The following CSMD3 variants were observed in gnomAD, a reference collection of about 807,000 sequenced individuals.
CSMD3 encodes CUB and Sushi multiple domains 3, also known as CUB and sushi domain-containing protein 3.
Under a neutral mutation model 435.2 loss-of-function variants are expected in CSMD3, and 177 were observed. That is an observed-to-expected ratio of 0.41 (90% CI 0.36 to 0.46). CSMD3 has a LOEUF of 0.46. CSMD3 is among the 20% of genes least tolerant of loss of function. The pLI, the probability that CSMD3 is intolerant of heterozygous loss-of-function variation, is 0.34. For missense variants in CSMD3, 4,265 were observed against 4,504.6 expected (o/e 0.95, Z 1.52); for synonymous variants, 1,656 against 1,520.5 (o/e 1.09, Z -2.07).
chr8:112,281,389 C>T (rs1255084679), intron 58 of CSMD3, 39 bp from the exon 59 acceptor site: 1 of 1,549,180 alleles, frequency 6.5e-7, no homozygotes, highest in South Asian at 1.1e-5. Flanking sequence ...ATAAAAAATG[C>T]AATCAGAAAT....
chr8:113,057,096 CA>C (rs1308901224), intron 5 of CSMD3, among the ~76,000 whole-genome samples: 1 of 152,148 alleles, frequency 6.6e-6, no homozygotes, highest in Non-Finnish European at 1.5e-5. Flanking sequence ...GCTAATTTTT[CA>C]GTTATCTACT....
intron 4 of CSMD3, among the ~76,000 whole-genome samples, chr8:113,161,025 C>T (rs1047679148): frequency 2.0e-5 from 3 of 152,020 alleles, no homozygotes; most frequent in Non-Finnish European, 4.4e-5. Context: ...TGTTTGAGGA[C>T]CAACTGCAGC....
chr8:112,565,018 T>C (rs1828951595), intron 24 of CSMD3, among the ~76,000 whole-genome samples: 1 of 152,126 alleles, frequency 6.6e-6, no homozygotes, highest in South Asian at 2.1e-4. Flanking sequence ...TTTACTAAAC[T>C]TCTATGATGT....
intron 13 of CSMD3, among the ~76,000 whole-genome samples, chr8:112,773,104 G>A (rs2078162557): frequency 6.6e-6 from 1 of 151,792 alleles, no homozygotes; most frequent in Non-Finnish European, 1.5e-5. Context: ...CATTCCACCT[G>A]ACGAGAAACG....
intron 1 of CSMD3, chr8:113,377,294 A>C (rs2094392098): frequency 4.4e-6 from 1 of 227,092 alleles, no homozygotes; most frequent in African/African-American, 2.3e-5. Flanking sequence ...ATGCTGAAAT[A>C]AAGAAGTTTA....
At chr8:113,367,983 C>A (rs1032652493) in intron 1 of CSMD3, among the ~76,000 whole-genome samples, 1 of 151,986 alleles carries the variant, frequency 6.6e-6, no homozygotes, top group Non-Finnish European at 1.5e-5. Flanking sequence ...ATCATGGGGG[C>A]TGAGTCCTAT....
chr8:113,425,559 T>G (rs187411733), intron 1 of CSMD3, among the ~76,000 whole-genome samples: 47 of 151,508 alleles, frequency 3.1e-4, no homozygotes, highest in Admixed American at 3.1e-3. Context: ...AAAATGTCAT[T>G]TCTGATATCT....
intron 11 of CSMD3, among the ~76,000 whole-genome samples, chr8:112,848,460 T>A (rs1390244986): frequency 6.6e-6 from 1 of 152,118 alleles, no homozygotes; most frequent in African/African-American, 2.4e-5. Context: ...GGTCACCCAC[T>A]ATGAGCTAGG....
At chr8:113,032,723 A>G (rs1430839137) in intron 5 of CSMD3, among the ~76,000 whole-genome samples, 1 of 151,644 alleles carries the variant, frequency 6.6e-6, no homozygotes, top group Non-Finnish European at 1.5e-5. Flanking sequence ...AATGTGCATA[A>G]GTAATGAGGA....
At chr8:112,400,466 TC>T (rs1438869915) in intron 35 of CSMD3, among the ~76,000 whole-genome samples, 3 of 152,182 alleles carry the variant, frequency 2.0e-5, no homozygotes, top group Non-Finnish European at 4.4e-5. Context: ...AGTAGTCTGT[TC>T]TTTATCTAAA....
chr8:113,388,474 A>G (rs1181087194), intron 1 of CSMD3, among the ~76,000 whole-genome samples: 1 of 151,566 alleles, frequency 6.6e-6, no homozygotes, highest in Non-Finnish European at 1.5e-5. Flanking sequence ...TAGCCCATTA[A>G]ATTGGAGTTA....
At chr8:112,546,961 C>A (rs1827238206) in intron 27 of CSMD3, among the ~76,000 whole-genome samples, 1 of 151,998 alleles carries the variant, frequency 6.6e-6, no homozygotes, top group Non-Finnish European at 1.5e-5. Flanking sequence ...CACGTATCAC[C>A]TGTTACATTC....
chr8:113,123,668 C>T (rs1231135929), intron 4 of CSMD3, among the ~76,000 whole-genome samples: 2 of 151,958 alleles, frequency 1.3e-5, no homozygotes, highest in African/African-American at 4.8e-5. Flanking sequence ...TCCTGAGCAT[C>T]AGGAATAAAG....
chr8:112,385,942 GTA>G (rs1461457059), intron 36 of CSMD3, among the ~76,000 whole-genome samples: 4 of 152,074 alleles, frequency 2.6e-5, no homozygotes, highest in Admixed American at 6.5e-5. Flanking sequence ...AAATACTACC[GTA>G]TATGGAAAAG....
At chr8:112,740,735 G>A (rs1444592122) in intron 13 of CSMD3, among the ~76,000 whole-genome samples, 2 of 151,852 alleles carry the variant, frequency 1.3e-5, no homozygotes, top group African/African-American at 4.8e-5. Flanking sequence ...CACGCCACAC[G>A]TAACAGGAGG....
intron 61 of CSMD3, among the ~76,000 whole-genome samples, chr8:112,256,765 C>A (rs1815845508): frequency 6.6e-6 from 1 of 152,116 alleles, no homozygotes; most frequent in Non-Finnish European, 1.5e-5. Context: ...AGCTTACTTC[C>A]CTCTGAAGCA....
intron 1 of CSMD3, among the ~76,000 whole-genome samples, chr8:113,358,242 G>T (rs1005607142): frequency 7.2e-5 from 11 of 152,156 alleles, no homozygotes; most frequent in Admixed American, 2.0e-4. Flanking sequence ...TATTTCTCTA[G>T]CTTAAAAACA....
At chr8:112,602,417 T>A (rs1832432268) in intron 22 of CSMD3, among the ~76,000 whole-genome samples, 1 of 151,850 alleles carries the variant, frequency 6.6e-6, no homozygotes, top group Non-Finnish European at 1.5e-5. Context: ...AACACAAAAA[T>A]TAGCTGGGTG....
intron 59 of CSMD3, among the ~76,000 whole-genome samples, chr8:112,276,090 C>T (rs566202242): frequency 6.6e-6 from 1 of 152,300 alleles, no homozygotes; most frequent in South Asian, 2.1e-4. Context: ...TGGATAATAG[C>T]TGTTCCAAAT....
Sources: gnomAD v4.1 joint callset for allele counts (sites outside exome capture counted in the v4.1 genomes callset) on GRCh38, gnomAD v4.1.1 for gene constraint, MANE v1.5 for transcripts, NCBI Gene and HGNC (gene_info 2026-07-23, HGNC 2026-07-21) for gene names.